The following ALG14 variants were observed in gnomAD, a reference collection of about 807,000 sequenced individuals.
ALG14 encodes UDP-N-acetylglucosamine transferase subunit ALG14.
ALG14 carries 17 observed loss-of-function variants against 22.8 expected under a neutral mutation model. The ratio of observed to expected loss-of-function variants is 0.75; its 90% CI spans 0.51 to 1.12. The LOEUF (loss-of-function observed/expected upper bound fraction) is 1.12, where lower values mean the gene tolerates loss of function less well. ALG14 is among the 50% of genes most tolerant of loss of function. ALG14 has a pLI of 0.00. For synonymous variants in ALG14, 89 were observed against 103.7 expected (o/e 0.86, Z 0.86); for missense variants, 288 against 271.8 (o/e 1.06, Z -0.42).
intron 3 of ALG14, among the ~76,000 whole-genome samples, 171 bp downstream of exon 3, chr1:95,026,958 A>C (rs538875064): frequency 6.6e-6 from 1 of 152,338 alleles, no homozygotes; most frequent in South Asian, 2.1e-4. Flanking sequence ...TTTATTTCTT[A>C]CAGTTCTGGA....
At chr1:95,019,701 C>G (rs1343396367) in intron 3 of ALG14, among the ~76,000 whole-genome samples, 3 of 152,102 alleles carry the variant, frequency 2.0e-5, no homozygotes, top group African/African-American at 7.2e-5. Flanking sequence ...GATAACCTGG[C>G]CGGGCACAGT....
At chr1:95,020,895 A>T (rs1673642846) in intron 3 of ALG14, among the ~76,000 whole-genome samples, 1 of 152,188 alleles carries the variant, frequency 6.6e-6, no homozygotes, top group African/African-American at 2.4e-5. Context: ...CTAAAATGCC[A>T]CTGAATTGTA....
chr1:94,996,311 C>T (rs1028402321), intron 3 of ALG14, among the ~76,000 whole-genome samples: 1 of 152,192 alleles, frequency 6.6e-6, no homozygotes, highest in African/African-American at 2.4e-5. Context: ...ACAGGGCTGG[C>T]TATGTCCAAG....
At chr1:95,031,843 T>C (rs190803005) in intron 2 of ALG14, among the ~76,000 whole-genome samples, 236 of 152,252 alleles carry the variant, frequency 1.6e-3, no homozygotes, top group Non-Finnish European at 2.2e-3. Context: ...AGTTTAGCTC[T>C]TGTCATCCAG....
rs144526686 is a variant in ALG14 at position 95,070,461 on chromosome 1, G to C, written c.136+2302C>G. Among the ~76,000 whole-genome samples the C allele has an allele frequency of 1.6e-3, 246 of 152,316 alleles. 1 individual carries two copies. The highest frequency in any genetic ancestry group is 5.5e-3 in the African/African-American group (228 of 41,572). ...CCCTTACAGTAGCCAACCAAATCTT[G>C]TATCTGTATGTTGGCCTTTGTATGG... On this transcript the variant is annotated intron_variant, in intron 1 of 3. Coordinates refer to ENST00000370205, the MANE Select transcript of ALG14 (RefSeq NM_144988.4).
chr1:95,037,924 A>G (rs1674250406), intron 2 of ALG14, among the ~76,000 whole-genome samples: 1 of 152,234 alleles, frequency 6.6e-6, no homozygotes, highest in Admixed American at 6.5e-5. Flanking sequence ...ACAGAGGTGA[A>G]TAAGACATTC....
intron 3 of ALG14, among the ~76,000 whole-genome samples, chr1:94,992,651 T>A (rs1218950355): frequency 3.3e-5 from 5 of 152,074 alleles, no homozygotes; most frequent in Non-Finnish European, 7.4e-5. Flanking sequence ...CTTCTTGTAG[T>A]GAATAACCTA....
rs750333046 is a variant in ALG14, at chr1:95,072,926, TCCGG to T, written c.-32_-29del. The T allele has an allele frequency of 1.8e-5, 29 of 1,611,350 alleles. No homozygotes were observed. In the African/African-American group the frequency reaches 2.5e-4, roughly 14 times the overall value. ...AGAGAAACGGCGCATGCGTCCAACTTCCGGGGACCAGCCGCTGTCAAAGTTCACA... is the reference window on the plus strand; with the variant it reads ...AGAGAAACGGCGCATGCGTCCAACTTGGACCAGCCGCTGTCAAAGTTCACA... On this transcript the variant is annotated 5_prime_UTR_variant, in exon 1 of 4. Coordinates refer to ENST00000370205, the MANE Select transcript of ALG14 (RefSeq NM_144988.4).
In ALG14 at chr1:95,038,714, A is replaced by C. The variant is rs1315986005; in HGVS notation, c.289-11454T>G. 2.0e-5 allele frequency among the ~76,000 whole-genome samples: 3 copies of C among 147,330 alleles called. No homozygotes were observed. In the South Asian group the frequency reaches 6.4e-4, roughly 31 times the overall value. On this transcript the variant is annotated intron_variant, in intron 2 of 3. Transcript: ENST00000370205. ...AAAAAAAACAAAGTGATAAACTATA[A>C]GGTTTTTTTTTTTTTTTTTTTTGAG... is the stretch of plus-strand genomic sequence containing the variant.
At chr1:95,044,816 T>C (rs1396642189) in intron 2 of ALG14, among the ~76,000 whole-genome samples, 1 of 152,168 alleles carries the variant, frequency 6.6e-6, no homozygotes, top group Non-Finnish European at 1.5e-5. Context: ...ATCCCAACTA[T>C]CTATAATATT....
intron 3 of ALG14, among the ~76,000 whole-genome samples, chr1:95,017,067 G>A (rs981323328): frequency 1.3e-5 from 2 of 151,906 alleles, no homozygotes; most frequent in African/African-American, 2.4e-5. Context: ...CAGACAAGAT[G>A]TGTGTGTCTG....
chr1:95,012,454 T>C (rs1421286343), intron 3 of ALG14, among the ~76,000 whole-genome samples: 4 of 152,178 alleles, frequency 2.6e-5, no homozygotes, highest in African/African-American at 9.7e-5. Flanking sequence ...TTTCGTCTTA[T>C]TAGAGTGAGC....
At chr1:95,026,322 T>G (rs924909877) in intron 3 of ALG14, among the ~76,000 whole-genome samples, 1 of 152,204 alleles carries the variant, frequency 6.6e-6, no homozygotes, top group Non-Finnish European at 1.5e-5. Flanking sequence ...CTCACTAAGC[T>G]TAATCATTTC....
chr1:94,984,548 G>A (rs138064721), intron 3 of ALG14, among the ~76,000 whole-genome samples: 133 of 152,284 alleles, frequency 8.7e-4, no homozygotes, highest in Non-Finnish European at 1.2e-3. Flanking sequence ...TCTTCCTTAT[G>A]TCTTCCTCAA....
intron 3 of ALG14, among the ~76,000 whole-genome samples, chr1:95,012,623 G>T (rs1673397577): frequency 6.6e-6 from 1 of 152,168 alleles, no homozygotes; most frequent in Non-Finnish European, 1.5e-5. Context: ...ATCACCATAT[G>T]TGGGTTTCTC....
At position 94,976,066 on chromosome 1, in the gene ALG14, AG is replaced by A. The variant is rs1427030925; in HGVS notation, c.*7009del. On this transcript the variant is annotated 3_prime_UTR_variant, in exon 4 of 4. Coordinates refer to ENST00000370205, the MANE Select transcript of ALG14 (RefSeq NM_144988.4). ...GAAAGAAGAGCCTCCTTAACACACC[AG>A]GGGAGCTACCACTGATGGAGACAAA... 6.7e-6 allele frequency: 1 copy of A among 149,842 alleles called. No individual in the cohort carries two copies. The allele number at this position is 149,842 out of a possible 1,614,324, so 9.3% of individuals were successfully genotyped here. A position where few individuals can be genotyped will look rare whatever the true frequency, so the allele number is the denominator to read the frequency against.
chr1:95,038,106 C>T (rs1674256855), intron 2 of ALG14, among the ~76,000 whole-genome samples: 1 of 152,178 alleles, frequency 6.6e-6, no homozygotes, highest in African/African-American at 2.4e-5. Flanking sequence ...CTTTGGGAGG[C>T]CAAGATACGT....
At chr1:95,046,074 T>G (rs1474947032) in intron 2 of ALG14, among the ~76,000 whole-genome samples, 4 of 151,632 alleles carry the variant, frequency 2.6e-5, no homozygotes, top group Admixed American at 2.6e-4. Flanking sequence ...CTGGCTTGAG[T>G]AAATTATTGA....
intron 2 of ALG14, among the ~76,000 whole-genome samples, chr1:95,055,673 A>G (rs544931103): frequency 1.3e-5 from 2 of 151,958 alleles, no homozygotes; most frequent in South Asian, 2.1e-4. Flanking sequence ...ACTAATTTAA[A>G]AACCTATGTA....
Sources: gnomAD v4.1 joint callset for allele counts (sites outside exome capture counted in the v4.1 genomes callset) on GRCh38, gnomAD v4.1.1 for gene constraint, MANE v1.5 for transcripts, NCBI Gene and HGNC (gene_info 2026-07-23, HGNC 2026-07-21) for gene names.